TENM3: variants seen among roughly 807,000 people sequenced by gnomAD.
The protein encoded by TENM3 is teneurin-3.
TENM3 carries 63 observed loss-of-function variants against 255.1 expected under a neutral mutation model. The observed-to-expected ratio is 0.25, with a 90% CI of 0.20 to 0.30. The LOEUF (loss-of-function observed/expected upper bound fraction) is 0.30, where lower values mean the gene tolerates loss of function less well. TENM3 is among the 10% of genes least tolerant of loss of function. The pLI, the probability that TENM3 is intolerant of heterozygous loss-of-function variation, is 1.00. For synonymous variants in TENM3, 1,306 were observed against 1,322.3 expected, an observed-to-expected ratio of 0.99 and a Z score of 0.27; for missense variants, 2,929 against 3,461.1, an observed-to-expected ratio of 0.85 and a Z score of 3.86.
At chr4:182,668,481 G>A (rs1427237641) in intron 6 of TENM3, among the ~76,000 whole-genome samples, 6 of 152,056 alleles carry the variant, frequency 3.9e-5, no homozygotes, top group Non-Finnish European at 8.8e-5. Flanking sequence ...AGATTCTGTG[G>A]TGTTATGATT....
the TENM3 span, among the ~76,000 whole-genome samples, chr4:182,097,528 G>A: frequency 3.9e-5 from 6 of 152,160 alleles, no homozygotes; most frequent in Non-Finnish European, 7.4e-5. Flanking sequence ...ATGGGTCTCT[G>A]CTACCCTAGC....
the TENM3 span, among the ~76,000 whole-genome samples, chr4:181,506,112 A>G: frequency 1.3e-5 from 2 of 152,316 alleles, no homozygotes; most frequent in African/African-American, 4.8e-5. Flanking sequence ...CTTAAAGTAC[A>G]GGATATTAAA....
At chr4:181,516,598 C>G in the TENM3 span, among the ~76,000 whole-genome samples, 1 of 151,844 alleles carries the variant, frequency 6.6e-6, no homozygotes, top group Non-Finnish European at 1.5e-5. Context: ...CTGACCAACA[C>G]GGAGAAACCC....
At chr4:181,886,024 T>A in the TENM3 span, among the ~76,000 whole-genome samples, 4 of 150,860 alleles carry the variant, frequency 2.7e-5, no homozygotes, top group South Asian at 8.4e-4. Context: ...CTCCTACGAG[T>A]TTTTTCGCTG....
the TENM3 span, among the ~76,000 whole-genome samples, chr4:181,623,349 T>C: frequency 1.3e-5 from 2 of 152,222 alleles, no homozygotes; most frequent in African/African-American, 4.8e-5. Context: ...TGCTATACCC[T>C]GTAAAGTTCC....
At chr4:182,050,474 G>T in the TENM3 span, among the ~76,000 whole-genome samples, 1 of 152,206 alleles carries the variant, frequency 6.6e-6, no homozygotes, top group African/African-American at 2.4e-5. Flanking sequence ...TGAAAATTAA[G>T]AGGAGGAAAG....
chr4:182,351,735 G>A (rs776899539), intron 3 of TENM3, among the ~76,000 whole-genome samples: 10 of 152,112 alleles, frequency 6.6e-5, no homozygotes, highest in Non-Finnish European at 8.8e-5. Flanking sequence ...GCCCGGAGGC[G>A]GGACTCCTGG....
chr4:181,613,622 A>G, the TENM3 span, among the ~76,000 whole-genome samples: 1 of 152,152 alleles, frequency 6.6e-6, no homozygotes, highest in Non-Finnish European at 1.5e-5. Flanking sequence ...AGTTTCCTCA[A>G]ATGCAAAACA....
chr4:181,947,053 TA>T, the TENM3 span, among the ~76,000 whole-genome samples: 3 of 152,168 alleles, frequency 2.0e-5, no homozygotes, highest in Non-Finnish European at 2.9e-5. Context: ...TCCTCATCTA[TA>T]AAATGGGCTT....
the TENM3 span, among the ~76,000 whole-genome samples, chr4:182,022,723 C>T: frequency 5.3e-5 from 8 of 152,134 alleles, no homozygotes; most frequent in Non-Finnish European, 5.9e-5. Flanking sequence ...TCGCTCACAA[C>T]GCGTTCCAGA....
In TENM3 at chr4:182,231,580, A is replaced by G. The variant is rs183106992; in HGVS notation, c.-76+86826A>G. On this transcript the variant is annotated intron_variant, in intron 1 of 2. Transcript: ENST00000512480. Reference sequence around the variant, plus strand: ...AGTGCAGAGAACCCTGGCCAGCAGTAGAAGGTTCTGGCCAAAGGGTGATGC... The same window carrying G: ...AGTGCAGAGAACCCTGGCCAGCAGTGGAAGGTTCTGGCCAAAGGGTGATGC... 2.0e-5 allele frequency among the ~76,000 whole-genome samples: 3 copies of G among 152,298 alleles called. No homozygotes were observed. The East Asian group carries it at 5.8e-4, about 30-fold the overall frequency.
At chr4:182,087,799 G>A in the TENM3 span, among the ~76,000 whole-genome samples, 2 of 152,178 alleles carry the variant, frequency 1.3e-5, no homozygotes, top group East Asian at 3.9e-4. Flanking sequence ...TATTCTATGT[G>A]CTTCAAACCA....
chr4:181,607,722 C>T, the TENM3 span, among the ~76,000 whole-genome samples: 3 of 152,202 alleles, frequency 2.0e-5, no homozygotes, highest in Middle Eastern at 0.01. Context: ...ATTTAAATAG[C>T]CGCCTGTGGT....
chr4:182,213,186 G>T (rs1339729411), intron 1 of TENM3, among the ~76,000 whole-genome samples: 1 of 152,180 alleles, frequency 6.6e-6, no homozygotes, highest in Non-Finnish European at 1.5e-5. Flanking sequence ...AGAACTTCTT[G>T]TAACTTATCA....
At chr4:182,531,264 G>A (rs1739755678) in intron 3 of TENM3, among the ~76,000 whole-genome samples, 1 of 152,122 alleles carries the variant, frequency 6.6e-6, no homozygotes, top group Non-Finnish European at 1.5e-5. Context: ...ATTAATTTTA[G>A]CTGTGAAAAA....
At chr4:182,683,922 A>G (rs1756369603) in intron 11 of TENM3, among the ~76,000 whole-genome samples, 1 of 152,004 alleles carries the variant, frequency 6.6e-6, no homozygotes, top group Non-Finnish European at 1.5e-5. Flanking sequence ...GCTGAAAAAA[A>G]CACAATAGAG....
At chr4:181,853,612 G>T in the TENM3 span, among the ~76,000 whole-genome samples, 4 of 152,148 alleles carry the variant, frequency 2.6e-5, no homozygotes, top group Non-Finnish European at 5.9e-5. Flanking sequence ...TCTGAATAAG[G>T]GTGGGAATAT....
At chr4:182,750,757 T>G (rs1241493235) in intron 19 of TENM3, among the ~76,000 whole-genome samples, 2 of 152,138 alleles carry the variant, frequency 1.3e-5, no homozygotes, top group African/African-American at 2.4e-5. Context: ...GAATGAGAAT[T>G]AATTAATATA....
chr4:182,200,444 T>C (rs772162189), intron 1 of TENM3, among the ~76,000 whole-genome samples: 1 of 152,222 alleles, frequency 6.6e-6, no homozygotes, highest in Non-Finnish European at 1.5e-5. Context: ...TTTTTTTCAG[T>C]GCTCTCAATT....
Sources: gnomAD v4.1 joint callset for allele counts (sites outside exome capture counted in the v4.1 genomes callset) on GRCh38, gnomAD v4.1.1 for gene constraint, MANE v1.5 for transcripts, NCBI Gene and HGNC (gene_info 2026-07-23, HGNC 2026-07-21) for gene names.